The following ETV5 variants were observed in gnomAD, a reference collection of about 807,000 sequenced individuals.
ETV5 encodes the protein ETS variant transcription factor 5, also known as ETS translocation variant 5.
A neutral mutation model predicts 70.0 loss-of-function variants in ETV5; 10 were observed. The ratio of observed to expected loss-of-function variants is 0.14; its 90% confidence interval spans 0.09 to 0.24. ETV5 has a LOEUF of 0.24. Among genes scored for constraint, ETV5 ranks in the 10% least tolerant of loss-of-function variants. The pLI is 1.00. For missense variants in ETV5, 453 were observed against 651.2 expected (o/e 0.70, Z 3.31); for synonymous variants, 216 against 242.2 (o/e 0.89, Z 1.01).
In ETV5 at chr3:186,048,768, C is replaced by T. The variant is rs951318686; in HGVS notation, c.1404G>A (p.Lys468=). The part of the protein sequence containing the change: ...AFPDNQRPFL[K]AESECHLSEE... ...CGCTGAGGTGGCACTCGGACTCTGC[C>T]TTCAGGAACGGACGCTGGTTATCCG... The change falls in exon 13 of 13, where the codon AAG becomes AAA. Residue 468 remains lysine (K), a synonymous_variant. Coordinates refer to ENST00000306376, the MANE Select transcript of ETV5 (RefSeq NM_004454.3). 6 of 1,614,030 alleles carry T rather than the reference C, an allele frequency of 3.7e-6. No individual in the cohort carries two copies. Among genetic ancestry groups the T allele is most frequent in the Non-Finnish European group, 5.1e-6 (6 of 1,180,036 alleles).
In ETV5 at chr3:186,057,397, A is replaced by G. The variant is rs1287832556; in HGVS notation, c.1039+26T>C. ...TGACACCTCCAAACCTCTACCTGGC[A>G]ACAAACCTTGGATGGGGCTACTTAC... On this transcript the variant is annotated intron_variant, in intron 10 of 12. Transcript: ENST00000306376. This position sits in a 1 kb window ranked among gnomAD's most constrained non-coding sequence, Gnocchi z 4.9. 1 of 1,613,536 alleles carries G rather than the reference A, an allele frequency of 6.2e-7. No individual in the cohort carries two copies. The highest frequency in any genetic ancestry group is 1.3e-5 in the African/African-American group (1 of 74,910).
At chr3:186,091,359 A>G (rs1300006228) in intron 5 of ETV5, among the ~76,000 whole-genome samples, 2 of 152,218 alleles carry the variant, frequency 1.3e-5, no homozygotes, top group South Asian at 2.1e-4. Context: ...TATTTGTCAT[A>G]TGTCTCGGCA....
chr3:186,070,519 T>C (rs751254970), intron 7 of ETV5, among the ~76,000 whole-genome samples: 5 of 152,212 alleles, frequency 3.3e-5, no homozygotes, highest in Non-Finnish European at 4.4e-5. Context: ...GATTCTATAA[T>C]TGGGATTGTT....
intron 11 of ETV5, among the ~76,000 whole-genome samples, chr3:186,055,613 T>G (rs1386123913): frequency 1.3e-5 from 2 of 152,238 alleles, no homozygotes; most frequent in African/African-American, 4.8e-5. Flanking sequence ...AGGCACATCT[T>G]GTTTTCTAAT....
chr3:186,099,230 T>C (rs572873335), intron 5 of ETV5, among the ~76,000 whole-genome samples: 42 of 152,216 alleles, frequency 2.8e-4, no homozygotes, highest in Non-Finnish European at 4.8e-4. Context: ...CGGCACATAC[T>C]AGGGGCCTGG....
intron 12 of ETV5, among the ~76,000 whole-genome samples, 170 bp from the exon 13 acceptor site, chr3:186,049,030 T>C (rs768777137): frequency 1.3e-5 from 2 of 152,136 alleles, no homozygotes; most frequent in Non-Finnish European, 2.9e-5. Flanking sequence ...CTGCCAAGTG[T>C]TTTACTGACA....
chr3:186,046,844 A>G lies in ETV5; in HGVS notation c.*1795T>C, dbSNP rs1471686723. ...ATGGTTTAGAAAGAGTCCTTTGATT[A>G]GAGTACAATGCTAATTAAGGCCCAA... On this transcript the variant is annotated 3_prime_UTR_variant, in exon 13 of 13. Coordinates refer to ENST00000306376, the MANE Select transcript of ETV5 (RefSeq NM_004454.3). 4.3e-6 allele frequency: 1 copy of G among 231,750 alleles called. No homozygotes were observed. The highest frequency in any genetic ancestry group is 8.6e-6 in the Non-Finnish European group (1 of 116,882). The allele number at this position is 231,750 out of a possible 1,614,324, so 14.4% of individuals were successfully genotyped here.
intron 7 of ETV5, among the ~76,000 whole-genome samples, chr3:186,077,145 A>G (rs960364047): frequency 6.6e-6 from 1 of 152,178 alleles, no homozygotes; most frequent in African/African-American, 2.4e-5. Context: ...CACTCTGCCT[A>G]TGTCACAGGG....
intron 9 of ETV5, among the ~76,000 whole-genome samples, chr3:186,062,826 A>G (rs1713339867): frequency 6.6e-6 from 1 of 152,244 alleles, no homozygotes; most frequent in Non-Finnish European, 1.5e-5. Context: ...TTACATATGC[A>G]CAGCAAAGAT....
chr3:186,048,569 A>C lies in ETV5; in HGVS notation c.*70T>G. 7.1e-6 allele frequency: 10 copies of C among 1,406,646 alleles called. No homozygotes were observed. The highest frequency in any genetic ancestry group is 1.0e-5 in the Non-Finnish European group (10 of 999,502). 87.1% of individuals were successfully genotyped at this position (1,406,646 alleles called of 1,614,324 possible). Reference sequence around the variant, plus strand: ...TAGGAACAACCAAAAACACAAACAAAACCACTGCCCTTGTTTGCCTGAATG... The same window carrying C: ...TAGGAACAACCAAAAACACAAACAACACCACTGCCCTTGTTTGCCTGAATG... On this transcript the variant is annotated 3_prime_UTR_variant, in exon 13 of 13. Transcript: ENST00000306376.
rs755457553 is a variant in ETV5 at position 186,105,617 on chromosome 3, T to G, written c.133+8A>C. ...AAGCCACAACATAATCAGGGAAAGCTTTACTACCTTCAGAATCGTGAGCCA... is the reference window on the plus strand; with the variant it reads ...AAGCCACAACATAATCAGGGAAAGCGTTACTACCTTCAGAATCGTGAGCCA... On this transcript the variant is annotated splice_region_variant and intron_variant, in intron 3 of 12. Coordinates refer to ENST00000306376, the MANE Select transcript of ETV5 (RefSeq NM_004454.3). This position sits in a 1 kb window ranked among gnomAD's most constrained non-coding sequence, Gnocchi z 4.5. 5.0e-6 allele frequency: 8 copies of G among 1,614,070 alleles called. No homozygotes were observed. The highest frequency in any genetic ancestry group is 5.9e-6 in the Non-Finnish European group (7 of 1,180,014).
At chr3:186,067,037 G>A (rs966788631) in intron 7 of ETV5, among the ~76,000 whole-genome samples, 4 of 152,230 alleles carry the variant, frequency 2.6e-5, no homozygotes, top group Non-Finnish European at 4.4e-5. Context: ...GCTCATGCCA[G>A]TAATCCCAGC....
At chr3:186,069,994 TAG>T (rs1713562356) in intron 7 of ETV5, among the ~76,000 whole-genome samples, 1 of 151,882 alleles carries the variant, frequency 6.6e-6, no homozygotes, top group Admixed American at 6.6e-5. Context: ...GTATTTTTAG[TAG>T]AGATAGGGTT....
intron 7 of ETV5, among the ~76,000 whole-genome samples, chr3:186,073,081 G>T (rs1389946575): frequency 6.6e-6 from 1 of 152,026 alleles, no homozygotes; most frequent in Non-Finnish European, 1.5e-5. Flanking sequence ...TTAGTAAGCC[G>T]AGACTGCACC....
intron 7 of ETV5, among the ~76,000 whole-genome samples, chr3:186,069,531 TA>T (rs1201124764): frequency 4.2e-5 from 6 of 144,428 alleles, no homozygotes; most frequent in African/African-American, 1.3e-4. Flanking sequence ...AAAAAAAGTC[TA>T]AAAAAAGACT....
chr3:186,047,325 T>TA lies in ETV5; in HGVS notation c.*1313dup, dbSNP rs1359405933. The stretch of plus-strand genomic sequence containing the variant: ...GCTAGCACTGTTGCTTACCTGTCAG[T>TA]ATCACACGTAAGTCTCAAACCCTAC... On this transcript the variant is annotated 3_prime_UTR_variant, in exon 13 of 13. Coordinates refer to ENST00000306376, the MANE Select transcript of ETV5 (RefSeq NM_004454.3). 1 of 230,932 alleles carries TA rather than the reference T, an allele frequency of 4.3e-6. No homozygotes were observed. The highest frequency in any genetic ancestry group is 8.6e-6 in the Non-Finnish European group (1 of 116,426). The allele number at this position is 230,932 out of a possible 1,614,324, so 14.3% of individuals were successfully genotyped here.
At position 186,048,318 on chromosome 3, in the gene ETV5, G is replaced by C. The variant is rs1427017731; in HGVS notation, c.*321C>G. On this transcript the variant is annotated 3_prime_UTR_variant, in exon 13 of 13. Transcript: ENST00000306376. ...TGTCACATACTATGTCCCGTTTTGC[G>C]GGTACTAACCTGAACAAGATATTGC... 2.6e-6 allele frequency: 1 copy of C among 385,090 alleles called. No homozygotes were observed. The highest frequency in any genetic ancestry group is 4.8e-6 in the Non-Finnish European group (1 of 209,220). The allele number at this position is 385,090 out of a possible 1,614,324, so 23.9% of individuals were successfully genotyped here.
chr3:186,079,042 A>G (rs1031327540), intron 7 of ETV5: 4 of 1,065,210 alleles, frequency 3.8e-6, no homozygotes, highest in Non-Finnish European at 4.5e-6. Flanking sequence ...CATGGCCACC[A>G]TCTTGCATCC....
In ETV5 at chr3:186,105,763, CA is replaced by C. The variant is rs1714572374; in HGVS notation, c.46-52del. ...GGCTCAAGTGTAGTAAAGAGGTCCACAGGGGGAAGACTCATATTGGAGAGGG... is the reference window on the plus strand; with the variant it reads ...GGCTCAAGTGTAGTAAAGAGGTCCACGGGGGAAGACTCATATTGGAGAGGG... On this transcript the variant is annotated intron_variant, in intron 2 of 12. Transcript: ENST00000306376. This position sits in a 1 kb window ranked among gnomAD's most constrained non-coding sequence, Gnocchi z 4.5. 2 of 1,611,772 alleles carry C rather than the reference CA, an allele frequency of 1.2e-6. No homozygotes were observed. The highest frequency in any genetic ancestry group is 8.5e-7 in the Non-Finnish European group (1 of 1,177,832).
Sources: allele counts gnomAD v4.1 joint callset (sites outside exome capture counted in the v4.1 genomes callset), GRCh38; gene constraint gnomAD v4.1.1; non-coding constraint Gnocchi (gnomAD v3.1); transcripts MANE v1.5; gene names NCBI Gene and HGNC (gene_info 2026-07-23, HGNC 2026-07-21).